ARID1B: variants seen among roughly 807,000 people sequenced by gnomAD.
The protein encoded by ARID1B is AT-rich interactive domain-containing protein 1B.
A neutral mutation model predicts 212.3 loss-of-function variants in ARID1B; 30 were observed. The ratio of observed to expected loss-of-function variants is 0.14; its 90% CI spans 0.11 to 0.19. The LOEUF (loss-of-function observed/expected upper bound fraction) is 0.19. ARID1B is among the 10% of genes least tolerant of loss of function. ARID1B has a pLI of 1.00. For missense variants in ARID1B, 2,891 were observed against 3,204.0 expected (o/e 0.90, Z 2.36); for synonymous variants, 1,402 against 1,301.7 (o/e 1.08, Z -1.66).
chr6:156,780,796 T>C (rs903384130), intron 1 of ARID1B, among the ~76,000 whole-genome samples: 8 of 152,378 alleles, frequency 5.3e-5, no homozygotes, highest in Middle Eastern at 3.4e-3. Context: ...TCTTTGATGA[T>C]AGTCTTAGAA....
At chr6:157,106,629 A>C (rs1786502293) in intron 5 of ARID1B, among the ~76,000 whole-genome samples, 1 of 152,214 alleles carries the variant, frequency 6.6e-6, no homozygotes, top group African/African-American at 2.4e-5. Context: ...TATATCTGCA[A>C]AATCCTTTCA....
intron 4 of ARID1B, among the ~76,000 whole-genome samples, chr6:157,002,683 T>C (rs143745641): frequency 2.0e-5 from 3 of 152,248 alleles, no homozygotes; most frequent in Non-Finnish European, 2.9e-5. Flanking sequence ...TGCCTGAAAC[T>C]GTTAATTTGA....
intron 4 of ARID1B, among the ~76,000 whole-genome samples, chr6:157,021,296 C>T (rs1269549860): frequency 6.6e-6 from 1 of 152,240 alleles, no homozygotes; most frequent in East Asian, 1.9e-4. Context: ...CGGAAGAAGC[C>T]GAGCTCCTCC....
intron 2 of ARID1B, among the ~76,000 whole-genome samples, chr6:156,890,643 G>A (rs1462130793): frequency 1.3e-5 from 2 of 152,214 alleles, no homozygotes; most frequent in Non-Finnish European, 2.9e-5. Flanking sequence ...CCAGCTTGTG[G>A]GTGTGGGTGG....
chr6:157,110,863 A>G, intron 6 of ARID1B: 1 of 418,254 alleles, frequency 2.4e-6, no homozygotes, highest in East Asian at 4.2e-5. Context: ...TAGCTGTGTA[A>G]AAATAACTGT....
chr6:157,128,220 T>A (rs908575366), intron 6 of ARID1B, among the ~76,000 whole-genome samples: 4 of 152,242 alleles, frequency 2.6e-5, no homozygotes, highest in African/African-American at 9.6e-5. Context: ...TCAATAACCT[T>A]TAAAAATATC....
rs916556884 is a variant in ARID1B at position 157,206,077 on chromosome 6, C to T, written c.5395-90C>T. Reference sequence around the variant, plus strand: ...TGTGACAATGATGGAAAGGTATTGACGGGTCTCAGGATCTTTACCCTCCTC... The same window carrying T: ...TGTGACAATGATGGAAAGGTATTGATGGGTCTCAGGATCTTTACCCTCCTC... On this transcript the variant is annotated intron_variant, in intron 19 of 19. Coordinates refer to ENST00000636930, the MANE Select transcript of ARID1B (RefSeq NM_001374828.1). The surrounding 1 kb of genome is among the most constrained non-coding windows in gnomAD (Gnocchi z 6.8). 3.0e-5 allele frequency: 41 copies of T among 1,363,804 alleles called. No homozygotes were observed. Among genetic ancestry groups the T allele is most frequent in the Middle Eastern group, 2.2e-4 (1 of 4,552 alleles). 84.5% of individuals were successfully genotyped at this position (1,363,804 alleles called of 1,614,324 possible). A position where few individuals can be genotyped will look rare whatever the true frequency, so the allele number is the denominator to read the frequency against.
In ARID1B at chr6:157,203,842, A is replaced by T. The variant is rs1368435464; in HGVS notation, c.5264-24A>T. 6.2e-7 allele frequency: 1 copy of T among 1,613,460 alleles called. No homozygotes were observed. Among genetic ancestry groups the T allele is most frequent in the African/African-American group, 1.3e-5 (1 of 74,940 alleles). On this transcript the variant is annotated intron_variant, in intron 18 of 19. Coordinates refer to ENST00000636930, the MANE Select transcript of ARID1B (RefSeq NM_001374828.1). This position sits in a 1 kb window ranked among gnomAD's most constrained non-coding sequence, Gnocchi z 4.4. ...CATGCATAGAGTCAACATTCATGAT[A>T]TCCTTGTTCTTCCCCATCTTCAGTT...
At chr6:157,021,069 C>T (rs1780210359) in intron 4 of ARID1B, among the ~76,000 whole-genome samples, 1 of 142,494 alleles carries the variant, frequency 7.0e-6, no homozygotes, top group African/African-American at 2.5e-5. Flanking sequence ...GCGGCGGCGT[C>T]CTTCCCTCCT....
At chr6:157,048,759 C>T (rs1402507216) in intron 4 of ARID1B, among the ~76,000 whole-genome samples, 1 of 152,166 alleles carries the variant, frequency 6.6e-6, no homozygotes, top group Non-Finnish European at 1.5e-5. Flanking sequence ...GTCTTGATTA[C>T]GATGGAATCA....
intron 4 of ARID1B, among the ~76,000 whole-genome samples, chr6:157,011,107 TC>T (rs1779579250): frequency 6.6e-6 from 1 of 152,224 alleles, no homozygotes; most frequent in African/African-American, 2.4e-5. Context: ...ATTCTGTACT[TC>T]TTTTCATTTG....
In ARID1B at chr6:156,777,448, A is replaced by G. The variant is rs1301866415; in HGVS notation, c.-233A>G. On this transcript the variant is annotated 5_prime_UTR_variant, in exon 1 of 20. Coordinates refer to ENST00000636930, the MANE Select transcript of ARID1B (RefSeq NM_001374828.1). The stretch of plus-strand genomic sequence containing the variant: ...ATATCCGGGCTAGAGAGGAAAAGAG[A>G]AAAGTTTCATTTAAACCTGAACTAA... 1 of 150,746 alleles carries G rather than the reference A, an allele frequency of 6.6e-6. No individual in the cohort carries two copies. Among genetic ancestry groups the G allele is most frequent in the Non-Finnish European group, 1.5e-5 (1 of 67,656 alleles). 9.3% of individuals were successfully genotyped at this position (150,746 alleles called of 1,614,324 possible). A position where few individuals can be genotyped will look rare whatever the true frequency, so the allele number is the denominator to read the frequency against.
rs187476356 is a variant in ARID1B at position 156,931,114 on chromosome 6, C to T, written c.2137-4352C>T. Among the ~76,000 whole-genome samples the T allele has an allele frequency of 1.3e-4, 19 of 148,154 alleles. No individual in the cohort carries two copies. The East Asian group carries it at 3.0e-3, about 23-fold the overall frequency. On this transcript the variant is annotated intron_variant, in intron 3 of 19. Coordinates refer to ENST00000636930, the MANE Select transcript of ARID1B (RefSeq NM_001374828.1). Reference sequence around the variant, plus strand: ...CTGAGGCAGGAGAATCTCTTGAAACCGGGAGGCAGTGCTTGCAGGGAGCCG... The same window carrying T: ...CTGAGGCAGGAGAATCTCTTGAAACTGGGAGGCAGTGCTTGCAGGGAGCCG...
intron 4 of ARID1B, chr6:157,036,367 C>G (rs1426841033): frequency 1.3e-5 from 2 of 153,182 alleles, no homozygotes; most frequent in South Asian, 2.1e-4. Context: ...TGCTCTGCAA[C>G]ATTCCAGAGA....
chr6:157,173,596 T>A (rs900777056), intron 9 of ARID1B: 1 of 154,668 alleles, frequency 6.5e-6, no homozygotes, highest in Non-Finnish European at 1.4e-5. Flanking sequence ...CTTATGAAAT[T>A]GAGAAGGCAC....
intron 4 of ARID1B, among the ~76,000 whole-genome samples, chr6:156,965,920 T>A (rs1447934822): frequency 6.6e-6 from 1 of 152,254 alleles, no homozygotes. Context: ...TATACTTGTT[T>A]TAATTACTAA....
intron 6 of ARID1B, 98 bp from the exon 7 acceptor site, chr6:157,132,930 C>T (rs1289764024): frequency 6.1e-6 from 8 of 1,311,336 alleles, no homozygotes; most frequent in Non-Finnish European, 7.3e-6. Flanking sequence ...TACCAGCCTT[C>T]TCCCCTGCCA....
intron 2 of ARID1B, among the ~76,000 whole-genome samples, chr6:156,899,169 GC>G (rs1788724253): frequency 6.6e-6 from 1 of 152,210 alleles, no homozygotes. Flanking sequence ...ACTTAGGAAG[GC>G]AGTCCTGTTT....
intron 2 of ARID1B, among the ~76,000 whole-genome samples, chr6:156,856,708 A>T (rs76315163): frequency 0.31 from 20,437 of 66,946 alleles, 1,596 homozygotes; most frequent in Middle Eastern, 0.4. Flanking sequence ...TCTCACACAC[A>T]CACACACACA....
Sources: allele counts gnomAD v4.1 joint callset (sites outside exome capture counted in the v4.1 genomes callset), GRCh38; gene constraint gnomAD v4.1.1; non-coding constraint Gnocchi (gnomAD v3.1); transcripts MANE v1.5; gene names NCBI Gene and HGNC (gene_info 2026-07-23, HGNC 2026-07-21).